NUDT21: variants seen among roughly 807,000 people sequenced by gnomAD.
NUDT21 encodes the protein nudix hydrolase 21.
Under a neutral mutation model 29.8 loss-of-function variants are expected in NUDT21, and 5 were observed. That is an observed-to-expected ratio of 0.17 (90% CI 0.09 to 0.35). NUDT21 has a LOEUF of 0.35. Among genes scored for constraint, NUDT21 ranks in the 10% least tolerant of loss-of-function variants. The pLI is 1.00. For synonymous variants in NUDT21, 113 were observed against 98.5 expected (o/e 1.15, Z -0.87); for missense variants, 76 against 276.0 (o/e 0.28, Z 5.13).
At position 56,434,821 on chromosome 16, in the gene NUDT21, A is replaced by G. The variant is rs1962076693; in HGVS notation, c.480T>C (p.Tyr160=). ...TAGGCTTTGTAATATGTGCAGGAAT[A>G]TATGGATACTGAAATTACAAATGAA... ...RPNFEPPQYP[Y]IPAHITKPKE... The change falls in exon 5 of 7, where the codon TAT becomes TAC. Residue 160 remains tyrosine, a synonymous_variant. Coordinates refer to ENST00000300291, the MANE Select transcript of NUDT21 (RefSeq NM_007006.3). The G allele has an allele frequency of 1.9e-6, 3 of 1,566,962 alleles. No homozygotes were observed. The highest frequency in any genetic ancestry group is 2.6e-6 in the Non-Finnish European group (3 of 1,141,742).
intron 4 of NUDT21, among the ~76,000 whole-genome samples, chr16:56,437,504 C>T (rs567338648): frequency 9.1e-4 from 138 of 152,154 alleles, no homozygotes; most frequent in Non-Finnish European, 1.8e-3. Flanking sequence ...CCTCTGATTT[C>T]GGGGCAGCTA....
intron 4 of NUDT21, 59 bp from the exon 5 acceptor site, chr16:56,434,888 G>T: frequency 9.8e-7 from 1 of 1,021,840 alleles, no homozygotes; most frequent in Non-Finnish European, 1.5e-6. Context: ...TTCTTTACAT[G>T]TTTACTCCCC....
chr16:56,439,475 C>T, intron 4 of NUDT21, 182 bp downstream of exon 4: 1 of 596,470 alleles, frequency 1.7e-6, no homozygotes, highest in East Asian at 2.9e-5. Context: ...CTCGCCCGGC[C>T]TTGTATTTGT....
chr16:56,433,996 C>T (rs529763791), intron 6 of NUDT21, among the ~76,000 whole-genome samples: 1 of 152,326 alleles, frequency 6.6e-6, no homozygotes, highest in Admixed American at 6.5e-5. Flanking sequence ...CAATTTGCCA[C>T]ATTTTAATAC....
Position 56,450,552 on chromosome 16 carries a change from G to A in NUDT21, c.116+535C>T, listed in dbSNP as rs534931365. Among the ~76,000 whole-genome samples the A allele has an allele frequency of 5.9e-5, 9 of 152,304 alleles. No individual in the cohort carries two copies. In the East Asian group the frequency reaches 1.7e-3, roughly 29 times the overall value. The stretch of plus-strand genomic sequence containing the variant: ...CATGGGGCAGGGCAGACAGCCCTGA[G>A]CACATGAATAAAATGTGTTGTATTC... On this transcript the variant is annotated intron_variant, in intron 1 of 6. Coordinates refer to ENST00000300291, the MANE Select transcript of NUDT21 (RefSeq NM_007006.3).
intron 4 of NUDT21, among the ~76,000 whole-genome samples, chr16:56,435,743 T>TTATTTATATATATA (rs1555514703): frequency 3.7e-5 from 1 of 27,070 alleles, no homozygotes; most frequent in African/African-American, 1.4e-4. Flanking sequence ...AAAAAAAAAA[T>TTATTTATATATATA]TATATATATA....
rs888374446 is a variant in NUDT21 at position 56,446,946 on chromosome 16, G to A, written c.318-257C>T. On this transcript the variant is annotated intron_variant, in intron 2 of 6. Coordinates refer to ENST00000300291, the MANE Select transcript of NUDT21 (RefSeq NM_007006.3). ...TTTATTGTAGATTCAACGGGTACAT[G>A]TACAAGTTTGTTACATAGGTATATT... 8 of 327,960 alleles carry A rather than the reference G, an allele frequency of 2.4e-5. No individual in the cohort carries two copies. The East Asian group carries it at 4.6e-4, about 19-fold the overall frequency. 20.3% of individuals were successfully genotyped at this position (327,960 alleles called of 1,614,324 possible).
At position 56,451,302 on chromosome 16, in the gene NUDT21, G is replaced by T; in HGVS notation, c.-100C>A. The T allele has an allele frequency of 1.1e-6, 1 of 931,074 alleles. No individual in the cohort carries two copies. 57.7% of individuals were successfully genotyped at this position (931,074 alleles called of 1,614,324 possible). A position where few individuals can be genotyped will look rare whatever the true frequency, so the allele number is the denominator to read the frequency against. The stretch of plus-strand genomic sequence containing the variant: ...ATCTGCAATCCCCTCAGCGGCTACT[G>T]CCCGCCATTAACAGGACAGCGCAAG... On this transcript the variant is annotated 5_prime_UTR_variant, in exon 1 of 7. Transcript: ENST00000300291.
intron 1 of NUDT21, among the ~76,000 whole-genome samples, chr16:56,449,018 A>G (rs770188969): frequency 6.6e-6 from 1 of 152,238 alleles, no homozygotes; most frequent in Non-Finnish European, 1.5e-5. Context: ...ATACCATTCC[A>G]GGATGCTTTA....
chr16:56,439,833 C>T, intron 3 of NUDT21, 87 bp from the exon 4 acceptor site: 1 of 1,011,574 alleles, frequency 9.9e-7, no homozygotes, highest in East Asian at 2.4e-5. Context: ...CTTAGCAGTG[C>T]TCCTAATTGA....
chr16:56,451,046 T>C, intron 1 of NUDT21, 41 bp downstream of exon 1: 1 of 1,560,954 alleles, frequency 6.4e-7, no homozygotes, highest in South Asian at 1.1e-5. Flanking sequence ...CTATAGGAGC[T>C]TTCACGAGAG....
chr16:56,441,387 C>T (rs564954000), intron 3 of NUDT21, among the ~76,000 whole-genome samples: 1 of 152,252 alleles, frequency 6.6e-6, no homozygotes, highest in South Asian at 2.1e-4. Flanking sequence ...CAGGTGCCCG[C>T]CACCACACCC....
At chr16:56,439,768 G>A in intron 3 of NUDT21, 22 bp from the exon 4 acceptor site, 2 of 1,570,776 alleles carry the variant, frequency 1.3e-6, no homozygotes. Flanking sequence ...AAATAAGCCA[G>A]TAAACAACTA....
At position 56,429,331 on chromosome 16, in the gene NUDT21, A is replaced by AC. The variant is rs1240310128; in HGVS notation, c.*3380dup. 1 of 152,218 alleles carries AC rather than the reference A, an allele frequency of 6.6e-6. No individual in the cohort carries two copies. The highest frequency in any genetic ancestry group is 2.4e-5 in the African/African-American group (1 of 41,458). 9.4% of individuals were successfully genotyped at this position (152,218 alleles called of 1,614,324 possible). A position where few individuals can be genotyped will look rare whatever the true frequency, so the allele number is the denominator to read the frequency against. On this transcript the variant is annotated 3_prime_UTR_variant, in exon 7 of 7. Coordinates refer to ENST00000300291, the MANE Select transcript of NUDT21 (RefSeq NM_007006.3). The stretch of plus-strand genomic sequence containing the variant: ...TGAATACTATGATGTGAACACAATA[A>AC]CCAAAAGTTTAAATTTCTAAATACA...
Position 56,451,095 on chromosome 16 carries a change from G to T in NUDT21, c.108C>A (p.Thr36=). 1 of 1,613,166 alleles carries T rather than the reference G, an allele frequency of 6.2e-7. No homozygotes were observed. The highest frequency in any genetic ancestry group is 8.5e-7 in the Non-Finnish European group (1 of 1,179,324). Residue 36 remains threonine (T), a synonymous_variant, in exon 1 of 7, where the codon ACC becomes ACA. Transcript: ENST00000300291. ...QQTKPLTLER[T]INLYPLTNYT... ...GGCCGCGCCGCACTTACAGGTTGAT[G>T]GTGCGCTCCAGGGTGAGGGGCTTCG...
At chr16:56,439,120 G>A (rs573370524) in intron 4 of NUDT21, 4 of 153,672 alleles carry the variant, frequency 2.6e-5, no homozygotes, top group East Asian at 1.9e-4. Flanking sequence ...GGCAGACGAC[G>A]GGTAGCGCAA....
intron 5 of NUDT21, 122 bp downstream of exon 5, chr16:56,434,632 C>T: frequency 1.2e-5 from 10 of 819,384 alleles, no homozygotes; most frequent in Non-Finnish European, 2.1e-5. Context: ...GCATGGTATA[C>T]ATCTTTAGTT....
At chr16:56,451,017 C>CG in intron 1 of NUDT21, 70 bp downstream of exon 1, 1 of 1,346,094 alleles carries the variant, frequency 7.4e-7, no homozygotes. Context: ...GCCGAAAAGC[C>CG]GGGGGCGCGT....
intron 3 of NUDT21, among the ~76,000 whole-genome samples, chr16:56,443,482 C>G (rs959077061): frequency 6.6e-6 from 1 of 152,098 alleles, no homozygotes; most frequent in Non-Finnish European, 1.5e-5. Context: ...CCCAGGACTA[C>G]ATTATTTCTA....
Sources: allele counts gnomAD v4.1 joint callset (sites outside exome capture counted in the v4.1 genomes callset), GRCh38; gene constraint gnomAD v4.1.1; transcripts MANE v1.5; gene names NCBI Gene and HGNC (gene_info 2026-07-23, HGNC 2026-07-21).